CYP3A5: variants seen among roughly 807,000 people sequenced by gnomAD.
CYP3A5 encodes the protein cytochrome P450 3A5.
In CYP3A5, 51 loss-of-function variants were observed where a neutral mutation model predicts 55.9. That is an observed-to-expected ratio of 0.91 (90% CI 0.73 to 1.15). The LOEUF is 1.15. Ranked by LOEUF, CYP3A5 falls within the 50% of genes most tolerant of loss-of-function variation. The pLI is 0.00. For synonymous variants in CYP3A5, 196 were observed against 213.9 expected (o/e 0.92, Z 0.73); for missense variants, 533 against 596.6 (o/e 0.89, Z 1.11).
intron 10 of CYP3A5, among the ~76,000 whole-genome samples, chr7:99,654,086 T>C (rs1809461651): frequency 6.7e-6 from 1 of 148,162 alleles, no homozygotes; most frequent in Admixed American, 6.8e-5. Context: ...GGTTTTTGAA[T>C]TTTTTTTTTT....
intron 10 of CYP3A5, 188 bp downstream of exon 10, chr7:99,660,311 A>G: frequency 8.7e-7 from 1 of 1,147,096 alleles, no homozygotes; most frequent in Non-Finnish European, 1.1e-6. Context: ...CAAAGATCTT[A>G]TGCTTCTGCC....
intron 3 of CYP3A5, chr7:99,672,937 T>C (rs1811819428): frequency 8.0e-7 from 1 of 1,250,476 alleles, no homozygotes; most frequent in Non-Finnish European, 1.0e-6. Flanking sequence ...AAGAGCTCTT[T>C]AAAGAGATTA....
At chr7:99,664,953 G>C (rs1159173744) in intron 7 of CYP3A5, among the ~76,000 whole-genome samples, 1 of 152,140 alleles carries the variant, frequency 6.6e-6, no homozygotes, top group Non-Finnish European at 1.5e-5. Context: ...AGGGCAGTGG[G>C]GTTTGTGGTG....
chr7:99,675,517 A>T (rs1812127629), intron 2 of CYP3A5, among the ~76,000 whole-genome samples: 1 of 151,724 alleles, frequency 6.6e-6, no homozygotes, highest in South Asian at 2.1e-4. Flanking sequence ...GCTTGCTGCT[A>T]CTGGCCTTCT....
intron 10 of CYP3A5, among the ~76,000 whole-genome samples, chr7:99,656,729 T>C (rs1809778021): frequency 6.6e-6 from 1 of 152,232 alleles, no homozygotes; most frequent in Non-Finnish European, 1.5e-5. Context: ...TTTTGGTTGG[T>C]AAGCTATTAA....
intron 11 of CYP3A5, 186 bp downstream of exon 11, chr7:99,652,367 A>G: frequency 2.1e-6 from 1 of 480,790 alleles, no homozygotes; most frequent in Non-Finnish European, 3.7e-6. Flanking sequence ...GGGACTGTGG[A>G]TGGATGTAGT....
intron 10 of CYP3A5, among the ~76,000 whole-genome samples, chr7:99,655,934 C>A (rs113051031): frequency 1.3e-5 from 2 of 152,132 alleles, no homozygotes; most frequent in Non-Finnish European, 2.9e-5. Flanking sequence ...GATTTTGTAT[C>A]CTGATACTTT....
intron 3 of CYP3A5, chr7:99,674,293 T>G (rs907064910): frequency 2.6e-6 from 1 of 381,742 alleles, no homozygotes; most frequent in Non-Finnish European, 4.7e-6. Flanking sequence ...ATATTTTCTA[T>G]GGAGCATCTT....
intron 4 of CYP3A5, 47 bp from the exon 5 acceptor site, chr7:99,667,112 T>A (rs1811103280): frequency 1.3e-6 from 2 of 1,544,270 alleles, no homozygotes; most frequent in Non-Finnish European, 1.8e-6. Flanking sequence ...TGTGGTGATC[T>A]TCATGGTTGC....
Position 99,652,787 on chromosome 7 carries a change from G to C in CYP3A5, c.1027-8C>G. 1 of 1,604,932 alleles carries C rather than the reference G, an allele frequency of 6.2e-7. No individual in the cohort carries two copies. The highest frequency in any genetic ancestry group is 8.5e-7 in the Non-Finnish European group (1 of 1,172,726). ...ATCATAGGTAGGTGGTGCCTGGAAG[G>C]AAAGAAACAGAATTGGATAATCTGA... On this transcript the variant is annotated splice_polypyrimidine_tract_variant and splice_region_variant and intron_variant, in intron 10 of 12. Coordinates refer to ENST00000222982, the MANE Select transcript of CYP3A5 (RefSeq NM_000777.5).
chr7:99,666,498 G>A (rs1811032803), intron 6 of CYP3A5, 103 bp downstream of exon 6: 3 of 1,271,048 alleles, frequency 2.4e-6, no homozygotes, highest in Non-Finnish European at 3.4e-6. Context: ...CCCTGCTTTT[G>A]TCTGGTCACT....
intron 4 of CYP3A5, chr7:99,671,848 G>A (rs1811673218): frequency 2.8e-6 from 2 of 702,806 alleles, no homozygotes; most frequent in Admixed American, 4.0e-5. Context: ...GAATGGGTCT[G>A]CATCTTGATG....
chr7:99,672,870 G>A, intron 3 of CYP3A5, 191 bp from the exon 4 acceptor site: 1 of 1,396,688 alleles, frequency 7.2e-7, no homozygotes, highest in African/African-American at 1.4e-5. Context: ...AGCCACCCAA[G>A]GCTTCATATG....
chr7:99,661,546 T>A (rs1251985879), intron 9 of CYP3A5, among the ~76,000 whole-genome samples: 1 of 152,234 alleles, frequency 6.6e-6, no homozygotes, highest in Admixed American at 6.5e-5. Context: ...ATATTTCTCC[T>A]GAGAGAAGCT....
In CYP3A5 at chr7:99,676,319, G is replaced by A. The variant is rs115267978; in HGVS notation, c.72-111C>T. On this transcript the variant is annotated intron_variant, in intron 1 of 12. Transcript: ENST00000222982. ...CAAGAGAGGGAGGTAATATGTACAC[G>A]ATAAATAATAACAGCAACTCCAACA... 5.9e-4 allele frequency: 924 copies of A among 1,569,274 alleles called. 4 individuals are homozygous for A. The African/African-American group carries it at 0.011, about 19-fold the overall frequency.
At chr7:99,677,937 T>C (rs1056312722) in intron 1 of CYP3A5, among the ~76,000 whole-genome samples, 4 of 152,230 alleles carry the variant, frequency 2.6e-5, no homozygotes, top group Admixed American at 2.6e-4. Flanking sequence ...CATGGTACCA[T>C]GTCAAGGCAG....
intron 5 of CYP3A5, 118 bp downstream of exon 5, chr7:99,666,834 T>C: frequency 6.3e-7 from 1 of 1,576,542 alleles, no homozygotes. Context: ...TAAAAGACCA[T>C]TTTTAGGAAG....
At chr7:99,656,758 A>G (rs1229174103) in intron 10 of CYP3A5, among the ~76,000 whole-genome samples, 1 of 152,080 alleles carries the variant, frequency 6.6e-6, no homozygotes, top group Non-Finnish European at 1.5e-5. Context: ...TCAATTTCAG[A>G]ACCTGTTATT....
intron 4 of CYP3A5, among the ~76,000 whole-genome samples, chr7:99,670,674 A>T (rs1811517585): frequency 6.6e-6 from 1 of 152,190 alleles, no homozygotes; most frequent in Non-Finnish European, 1.5e-5. Flanking sequence ...CCCAATGACA[A>T]ATATCCCTTG....
Sources: allele counts gnomAD v4.1 joint callset (sites outside exome capture counted in the v4.1 genomes callset), GRCh38; gene constraint gnomAD v4.1.1; transcripts MANE v1.5; gene names NCBI Gene and HGNC (gene_info 2026-07-23, HGNC 2026-07-21).